The following JAKMIP1 variants were observed in gnomAD, a reference collection of about 807,000 sequenced individuals.
JAKMIP1 encodes janus kinase and microtubule-interacting protein 1.
A neutral mutation model predicts 113.0 loss-of-function variants in JAKMIP1; 33 were observed. The ratio of observed to expected loss-of-function variants is 0.29; its 90% confidence interval spans 0.22 to 0.39. The LOEUF is 0.39. JAKMIP1 is among the 10% of genes least tolerant of loss of function. The pLI, the probability that JAKMIP1 is intolerant of heterozygous loss-of-function variation, is 1.00. For synonymous variants in JAKMIP1, 480 were observed against 459.9 expected, an observed-to-expected ratio of 1.04 and a Z score of -0.56; for missense variants, 813 against 1,080.5, an observed-to-expected ratio of 0.75 and a Z score of 3.47.
intron 18 of JAKMIP1, among the ~76,000 whole-genome samples, chr4:6,038,312 G>A (rs1177326171): frequency 1.4e-5 from 2 of 146,746 alleles, no homozygotes; most frequent in Non-Finnish European, 3.0e-5. Flanking sequence ...CCGAGGCAGA[G>A]GTTAACCCAG....
intron 1 of JAKMIP1, among the ~76,000 whole-genome samples, chr4:6,152,866 G>A (rs1721772891): frequency 6.8e-6 from 1 of 148,048 alleles, no homozygotes; most frequent in Admixed American, 6.8e-5. Context: ...AGGTACTCAG[G>A]AGGCTGAGGC....
rs1429732512 is a variant in JAKMIP1, at chr4:6,184,307, C to T, written c.-148+15946G>A. ...ACAAATGCCCTAGGGAAGGAAGAAC[C>T]GCTCCCAGGCACCACAGCCAGGAAG... On this transcript the variant is annotated intron_variant, in intron 1 of 20. Transcript: ENST00000409021. This position sits in a 1 kb window ranked among gnomAD's most constrained non-coding sequence, Gnocchi z 4.5. 2.0e-5 allele frequency among the ~76,000 whole-genome samples: 3 copies of T among 152,102 alleles called. No homozygotes were observed. The highest frequency in any genetic ancestry group is 4.4e-5 in the Non-Finnish European group (3 of 68,030).
In JAKMIP1 at chr4:6,065,322, A is replaced by G. The variant is rs1210286096; in HGVS notation, c.1303-314T>C. Among the ~76,000 whole-genome samples the G allele has an allele frequency of 6.6e-6, 1 of 152,206 alleles. No individual in the cohort carries two copies. Among genetic ancestry groups the G allele is most frequent in the Non-Finnish European group, 1.5e-5 (1 of 68,044 alleles). On this transcript the variant is annotated intron_variant, in intron 8 of 20. Transcript: ENST00000409021. The surrounding 1 kb of genome is among the most constrained non-coding windows in gnomAD (Gnocchi z 5.1). The stretch of plus-strand genomic sequence containing the variant: ...GCCTCCTTCTCTAGCAAATGGATTG[A>G]GAAGCCACCTCACCTGTGAGCACAA...
intron 3 of JAKMIP1, among the ~76,000 whole-genome samples, chr4:6,091,481 AT>A (rs751180944): frequency 2.6e-5 from 4 of 152,236 alleles, no homozygotes; most frequent in Non-Finnish European, 5.9e-5. Context: ...TGCTTGTTTA[AT>A]TCTAACTCTC....
chr4:6,090,895 C>A (rs1721976958), intron 3 of JAKMIP1, among the ~76,000 whole-genome samples: 1 of 152,052 alleles, frequency 6.6e-6, no homozygotes, highest in South Asian at 2.1e-4. Flanking sequence ...TTGACCATGA[C>A]GTCCTTAGAG....
At chr4:6,125,300 C>T (rs1011402983) in intron 1 of JAKMIP1, among the ~76,000 whole-genome samples, 14 of 152,080 alleles carry the variant, frequency 9.2e-5, no homozygotes, top group African/African-American at 2.4e-4. Context: ...TGACCCCTCA[C>T]CTAGGACCCT....
At chr4:6,126,536 AAC>A (rs752202709) in intron 1 of JAKMIP1, among the ~76,000 whole-genome samples, 15 of 137,230 alleles carry the variant, frequency 1.1e-4, no homozygotes, top group South Asian at 7.1e-4. Flanking sequence ...ACCATACAGA[AAC>A]ACACACACAC....
In JAKMIP1 at chr4:6,045,732, C is replaced by T. The variant is rs903478614; in HGVS notation, c.2028+3125G>A. Reference sequence around the variant, plus strand: ...ACTAAAAATACAAAAATTAGCCGGACGTGGCGGCATATGCCTATAATCCCA... The same window carrying T: ...ACTAAAAATACAAAAATTAGCCGGATGTGGCGGCATATGCCTATAATCCCA... On this transcript the variant is annotated intron_variant, in intron 16 of 20. Coordinates refer to ENST00000409021, the MANE Select transcript of JAKMIP1 (RefSeq NM_001099433.2). Among the ~76,000 whole-genome samples the T allele has an allele frequency of 2.3e-4, 35 of 152,244 alleles. 1 individual carries two copies. The highest frequency in any genetic ancestry group is 8.4e-4 in the African/African-American group (35 of 41,538).
At position 6,180,438 on chromosome 4, in the gene JAKMIP1, G is replaced by A. The variant is rs1377305172; in HGVS notation, c.-148+19815C>T. On this transcript the variant is annotated intron_variant, in intron 1 of 20. Transcript: ENST00000409021. The surrounding 1 kb of genome is among the most constrained non-coding windows in gnomAD (Gnocchi z 4.5). ...CTGAACAGGAGAGAAACTTGGAGGTGAGGATAGGCAATGGGGACCGATACC... is the reference window on the plus strand; with the variant it reads ...CTGAACAGGAGAGAAACTTGGAGGTAAGGATAGGCAATGGGGACCGATACC... 6.6e-6 allele frequency among the ~76,000 whole-genome samples: 1 copy of A among 152,194 alleles called. No homozygotes were observed. The highest frequency in any genetic ancestry group is 1.9e-4 in the East Asian group (1 of 5,194).
intron 5 of JAKMIP1, among the ~76,000 whole-genome samples, chr4:6,082,253 C>G (rs1485687794): frequency 1.3e-5 from 2 of 151,890 alleles, no homozygotes; most frequent in African/African-American, 4.8e-5. Flanking sequence ...AAGGGACTGA[C>G]TCTAGACCCC....
At chr4:6,041,323 T>C (rs1264114130) in intron 17 of JAKMIP1, among the ~76,000 whole-genome samples, 1 of 152,224 alleles carries the variant, frequency 6.6e-6, no homozygotes, top group African/African-American at 2.4e-5. Context: ...GACCAGAGCC[T>C]TGCCTTAGAT....
At chr4:6,104,916 A>G (rs1296795622) in intron 3 of JAKMIP1, among the ~76,000 whole-genome samples, 1 of 152,198 alleles carries the variant, frequency 6.6e-6, no homozygotes, top group Non-Finnish European at 1.5e-5. Context: ...CTCTGAGGAC[A>G]TCCAATCCTC....
intron 12 of JAKMIP1, among the ~76,000 whole-genome samples, chr4:6,055,253 G>A (rs928401413): frequency 6.6e-6 from 1 of 152,194 alleles, no homozygotes; most frequent in Non-Finnish European, 1.5e-5. Flanking sequence ...AGGCAGGGCA[G>A]AGGGGGGACT....
chr4:6,105,442 G>A (rs981962407), intron 3 of JAKMIP1, 31 bp downstream of exon 3: 2 of 1,549,632 alleles, frequency 1.3e-6, no homozygotes, highest in Non-Finnish European at 1.7e-6. Context: ...AAGGCCGCGT[G>A]CCCGCGGGCG....
chr4:6,029,556 G>A (rs959471055), intron 20 of JAKMIP1, among the ~76,000 whole-genome samples, 160 bp downstream of exon 20: 3 of 152,198 alleles, frequency 2.0e-5, no homozygotes, highest in African/African-American at 7.2e-5. Context: ...GGAATTTTGA[G>A]GAACTAGCGA....
chr4:6,065,591 C>T lies in JAKMIP1; in HGVS notation c.1303-583G>A, dbSNP rs1252461319. On this transcript the variant is annotated intron_variant, in intron 8 of 20. Coordinates refer to ENST00000409021, the MANE Select transcript of JAKMIP1 (RefSeq NM_001099433.2). The surrounding 1 kb of genome is among the most constrained non-coding windows in gnomAD (Gnocchi z 5.1). ...TGTGTGGCCCAAGTCCTGGCCAGACCCACACTTAGAGGCAATCTCTGCTTA... is the reference window on the plus strand; with the variant it reads ...TGTGTGGCCCAAGTCCTGGCCAGACTCACACTTAGAGGCAATCTCTGCTTA... Among the ~76,000 whole-genome samples, 1 of 152,110 alleles carries T rather than the reference C, an allele frequency of 6.6e-6. No homozygotes were observed. The highest frequency in any genetic ancestry group is 1.5e-5 in the Non-Finnish European group (1 of 68,018).
intron 1 of JAKMIP1, among the ~76,000 whole-genome samples, chr4:6,122,315 G>C (rs1716831974): frequency 6.6e-6 from 1 of 152,068 alleles, no homozygotes; most frequent in African/African-American, 2.4e-5. Context: ...GACAGAGTGA[G>C]ACCCTGTCTC....
intron 16 of JAKMIP1, among the ~76,000 whole-genome samples, chr4:6,043,944 T>C (rs373719848): frequency 6.6e-6 from 1 of 152,004 alleles, no homozygotes; most frequent in African/African-American, 2.4e-5. Flanking sequence ...TCCCAGGCCC[T>C]GGTCATCCTA....
At chr4:6,111,913 A>G (rs1714999596) in intron 2 of JAKMIP1, among the ~76,000 whole-genome samples, 2 of 152,252 alleles carry the variant, frequency 1.3e-5, no homozygotes, top group Non-Finnish European at 2.9e-5. Flanking sequence ...TCATGGCAGC[A>G]TAAACCAAAA....
Sources: gnomAD v4.1 joint callset for allele counts (sites outside exome capture counted in the v4.1 genomes callset) on GRCh38, gnomAD v4.1.1 for gene constraint, Gnocchi (gnomAD v3.1) non-coding constraint, MANE v1.5 for transcripts, NCBI Gene and HGNC (gene_info 2026-07-23, HGNC 2026-07-21) for gene names.